Variants in ROR1 observed in about 807,000 individuals in gnomAD.
ROR1 encodes the protein ROR family WNT receptor 1.
A neutral mutation model predicts 78.8 loss-of-function variants in ROR1; 19 were observed. That is an observed-to-expected ratio of 0.24 (90% CI 0.17 to 0.35). The LOEUF (loss-of-function observed/expected upper bound fraction) is 0.35. Ranked by LOEUF, ROR1 falls within the 10% of genes least tolerant of loss-of-function variation. ROR1 has a pLI of 1.00. For missense variants in ROR1, 917 were observed against 1,177.8 expected (o/e 0.78, Z 3.24); for synonymous variants, 386 against 433.6 (o/e 0.89, Z 1.36).
intron 4 of ROR1, among the ~76,000 whole-genome samples, chr1:64,091,713 C>T (rs1378205720): frequency 6.6e-6 from 1 of 152,106 alleles, no homozygotes; most frequent in African/African-American, 2.4e-5. Context: ...TCTCTTCTTC[C>T]CTCTTCTCCC....
intron 2 of ROR1, among the ~76,000 whole-genome samples, chr1:64,034,794 A>G (rs900079461): frequency 6.6e-6 from 1 of 152,218 alleles, no homozygotes; most frequent in African/African-American, 2.4e-5. Context: ...CCATTAAAAT[A>G]TATAAATAAA....
At chr1:63,855,357 T>C (rs993246740) in intron 1 of ROR1, among the ~76,000 whole-genome samples, 2 of 152,220 alleles carry the variant, frequency 1.3e-5, no homozygotes, top group Non-Finnish European at 2.9e-5. Context: ...GATTGTAAAT[T>C]CTTGGAGGCA....
At chr1:63,895,800 C>T (rs961094940) in intron 1 of ROR1, among the ~76,000 whole-genome samples, 5 of 152,022 alleles carry the variant, frequency 3.3e-5, no homozygotes, top group African/African-American at 1.2e-4. Context: ...TTTTTCTTTT[C>T]GTCTTGATTC....
At chr1:63,779,195 G>T (rs952601719) in intron 1 of ROR1, among the ~76,000 whole-genome samples, 2 of 152,272 alleles carry the variant, frequency 1.3e-5, no homozygotes, top group Non-Finnish European at 1.5e-5. Context: ...GTGCTCGCCA[G>T]TTTTTTCCAA....
chr1:64,149,563 C>A (rs1649563853), intron 7 of ROR1, among the ~76,000 whole-genome samples: 1 of 152,072 alleles, frequency 6.6e-6, no homozygotes, highest in African/African-American at 2.4e-5. Flanking sequence ...GATTAGCTCC[C>A]CAGCAGCTCC....
Position 64,137,444 on chromosome 1 carries a change from C to T in ROR1, c.558C>T (p.Thr186=), listed in dbSNP as rs781194539. 47 of 1,613,746 alleles carry T rather than the reference C, an allele frequency of 2.9e-5. No homozygotes were observed. The highest frequency in any genetic ancestry group is 1.3e-4 in the Admixed American group (8 of 59,998). ...IACARFIGNR[T]VYMESLHMQG... ...GTGCAAGATTTATTGGCAACCGCACCGTCTATATGGAGTCTTTGCACATGC... is the reference window on the plus strand; with the variant it reads ...GTGCAAGATTTATTGGCAACCGCACTGTCTATATGGAGTCTTTGCACATGC... Residue 186 remains threonine (T), a synonymous_variant, in exon 5 of 9, where the codon ACC becomes ACT. Transcript: ENST00000371079.
chr1:64,108,060 TTGTGTGTGTG>T (rs3084945), intron 4 of ROR1, among the ~76,000 whole-genome samples: 6,424 of 146,316 alleles, frequency 0.044, 397 homozygotes, highest in African/African-American at 0.14. Context: ...TGTTTTCTTG[TTGTGTGTGTG>T]TGTGTGTGTG....
At chr1:64,057,112 A>T (rs1377334485) in intron 4 of ROR1, among the ~76,000 whole-genome samples, 2 of 152,090 alleles carry the variant, frequency 1.3e-5, no homozygotes, top group South Asian at 4.1e-4. Context: ...TTTTTTCCTA[A>T]AAGTTTTTAT....
chr1:63,891,906 A>T (rs1645399918), intron 1 of ROR1, among the ~76,000 whole-genome samples: 1 of 152,078 alleles, frequency 6.6e-6, no homozygotes, highest in Non-Finnish European at 1.5e-5. Flanking sequence ...TGGAGATGGC[A>T]TATTGTCGGA....
Position 64,125,533 on chromosome 1 carries a change from C to T in ROR1, c.483-11836C>T, listed in dbSNP as rs868436947. On this transcript the variant is annotated intron_variant, in intron 4 of 8. Transcript: ENST00000371079. ...TCAAATACTCTCATGGAGTCAGATA[C>T]GATTCCGTACTACGAGCCCCACATA... 1.1e-4 allele frequency among the ~76,000 whole-genome samples: 16 copies of T among 152,244 alleles called. No individual in the cohort carries two copies. The Middle Eastern group carries it at 0.02, about 194-fold the overall frequency.
chr1:64,003,328 T>C (rs1030393239), intron 1 of ROR1, among the ~76,000 whole-genome samples: 1 of 152,212 alleles, frequency 6.6e-6, no homozygotes, highest in African/African-American at 2.4e-5. Flanking sequence ...CTGATTACAA[T>C]GTAATTACAT....
chr1:64,026,522 G>T (rs1021108617), intron 2 of ROR1, among the ~76,000 whole-genome samples: 12 of 152,082 alleles, frequency 7.9e-5, no homozygotes, highest in Admixed American at 1.3e-4. Context: ...TATAATTTAT[G>T]CTTAATAAAG....
At chr1:64,171,854 G>T (rs1467958038) in intron 8 of ROR1, among the ~76,000 whole-genome samples, 1 of 152,188 alleles carries the variant, frequency 6.6e-6, no homozygotes, top group African/African-American at 2.4e-5. Flanking sequence ...GACAGAGCAG[G>T]CTTCATGTTG....
At chr1:63,844,037 A>AG (rs1407476113) in intron 1 of ROR1, among the ~76,000 whole-genome samples, 1 of 152,154 alleles carries the variant, frequency 6.6e-6, no homozygotes, top group African/African-American at 2.4e-5. Context: ...CTCTAGCCTT[A>AG]GGGGGGCAGC....
chr1:63,920,491 A>C (rs1158132381), intron 1 of ROR1, among the ~76,000 whole-genome samples: 1 of 152,176 alleles, frequency 6.6e-6, no homozygotes, highest in African/African-American at 2.4e-5. Flanking sequence ...TTTGAAACAG[A>C]AGTGTCTGTC....
intron 1 of ROR1, among the ~76,000 whole-genome samples, chr1:63,883,762 C>T (rs1314814974): frequency 6.6e-6 from 1 of 152,138 alleles, no homozygotes; most frequent in African/African-American, 2.4e-5. Context: ...TTTCTCATGC[C>T]AGCTTCATCT....
intron 1 of ROR1, among the ~76,000 whole-genome samples, chr1:63,860,321 T>C (rs1645171984): frequency 6.6e-6 from 1 of 152,190 alleles, no homozygotes; most frequent in East Asian, 1.9e-4. Flanking sequence ...AAATGCTCAA[T>C]AGAATATCTT....
At chr1:64,128,290 A>AC (rs1364552273) in intron 4 of ROR1, among the ~76,000 whole-genome samples, 1 of 83,594 alleles carries the variant, frequency 1.2e-5, no homozygotes, top group Admixed American at 1.5e-4. Flanking sequence ...CCCTGTCTCT[A>AC]CAAAAAAAAA....
At chr1:63,933,088 G>A (rs1243575702) in intron 1 of ROR1, among the ~76,000 whole-genome samples, 1 of 152,062 alleles carries the variant, frequency 6.6e-6, no homozygotes, top group Non-Finnish European at 1.5e-5. Flanking sequence ...TATAAGAACT[G>A]ACCCTCTTTT....
Sources: gnomAD v4.1 joint callset for allele counts (sites outside exome capture counted in the v4.1 genomes callset) on GRCh38, gnomAD v4.1.1 for gene constraint, MANE v1.5 for transcripts, NCBI Gene and HGNC (gene_info 2026-07-23, HGNC 2026-07-21) for gene names.